MYO1B: variants seen among roughly 807,000 people sequenced by gnomAD.
MYO1B encodes myosin IB.
A neutral mutation model predicts 159.7 loss-of-function variants in MYO1B; 72 were observed. That is an observed-to-expected ratio of 0.45 (90% CI 0.37 to 0.55). The LOEUF is 0.55. MYO1B is among the 20% of genes least tolerant of loss of function. The pLI is 0.00. For missense variants in MYO1B, 1,062 were observed against 1,364.8 expected (o/e 0.78, Z 3.50); for synonymous variants, 468 against 473.8 (o/e 0.99, Z 0.16).
At chr2:191,408,504 A>G (rs1393939366) in intron 25 of MYO1B, among the ~76,000 whole-genome samples, 1 of 152,146 alleles carries the variant, frequency 6.6e-6, no homozygotes, top group Non-Finnish European at 1.5e-5. Flanking sequence ...AACTGCCATG[A>G]GCTGTGGCAG....
At chr2:191,279,099 T>C (rs1284991969) in intron 2 of MYO1B, among the ~76,000 whole-genome samples, 1 of 152,268 alleles carries the variant, frequency 6.6e-6, no homozygotes, top group Non-Finnish European at 1.5e-5. Context: ...CAGCTCTATG[T>C]AATTTTATTT....
Position 191,423,975 on chromosome 2 carries a change from C to G in MYO1B, c.*15C>G. On this transcript the variant is annotated 3_prime_UTR_variant, in exon 31 of 31. Transcript: ENST00000392318. ...CTGTCCCTTAACTGGCGCCTCCTCTCTACTTTCATGGACTTGTTCCTTTGT... is the reference window on the plus strand; with the variant it reads ...CTGTCCCTTAACTGGCGCCTCCTCTGTACTTTCATGGACTTGTTCCTTTGT... 1.9e-6 allele frequency: 3 copies of G among 1,611,478 alleles called. No individual in the cohort carries two copies. Among genetic ancestry groups the G allele is most frequent in the Non-Finnish European group, 2.5e-6 (3 of 1,178,994 alleles).
At chr2:191,401,452 A>G (rs1431310895) in intron 23 of MYO1B, 2 of 152,246 alleles carry the variant, frequency 1.3e-5, no homozygotes, top group African/African-American at 4.8e-5. Context: ...GTTTGTTTTC[A>G]GAAACAAAGG....
chr2:191,305,478 C>G (rs548998203), intron 3 of MYO1B, among the ~76,000 whole-genome samples: 3 of 152,342 alleles, frequency 2.0e-5, no homozygotes, highest in African/African-American at 7.2e-5. Context: ...GCCCCAGGTT[C>G]CAGTTCCAGC....
chr2:191,408,280 T>C (rs1697050493), intron 25 of MYO1B, 91 bp downstream of exon 25: 1 of 801,878 alleles, frequency 1.2e-6, no homozygotes, highest in Non-Finnish European at 2.1e-6. Flanking sequence ...TTTTCCTAAA[T>C]GACAAAAGTG....
chr2:191,404,093 T>G (rs1696766496), intron 24 of MYO1B, among the ~76,000 whole-genome samples: 1 of 152,212 alleles, frequency 6.6e-6, no homozygotes, highest in Non-Finnish European at 1.5e-5. Context: ...TTACTTGAAG[T>G]CCAAGAATAT....
At chr2:191,393,390 C>T (rs562289763) in intron 20 of MYO1B, among the ~76,000 whole-genome samples, 168 bp downstream of exon 20, 1 of 152,140 alleles carries the variant, frequency 6.6e-6, no homozygotes, top group Admixed American at 6.5e-5. Context: ...AACTAAGACA[C>T]AAAGCTGTTA....
At chr2:191,398,724 C>G (rs574211374) in intron 21 of MYO1B, among the ~76,000 whole-genome samples, 2 of 151,196 alleles carry the variant, frequency 1.3e-5, no homozygotes, top group Non-Finnish European at 2.9e-5. Flanking sequence ...GGGGAAGAGG[C>G]GCTCCTCGCT....
chr2:191,412,246 C>T (rs1697292841), intron 27 of MYO1B, among the ~76,000 whole-genome samples: 1 of 152,178 alleles, frequency 6.6e-6, no homozygotes. Context: ...ATGCTTGCTT[C>T]AGCAACTAAT....
intron 3 of MYO1B, among the ~76,000 whole-genome samples, chr2:191,308,591 A>G (rs1689794682): frequency 1.3e-5 from 2 of 152,082 alleles, no homozygotes; most frequent in African/African-American, 4.8e-5. Context: ...AACATGCTGC[A>G]ATGTTTCTCT....
Position 191,400,730 on chromosome 2 carries a change from C to A in MYO1B, c.2383-19C>A. ...CCTGCCTTAAACTTTTCTGTAACTC[C>A]TTTTCAAATGCATCACAGGCACGAA... On this transcript the variant is annotated intron_variant, in intron 22 of 30. Transcript: ENST00000392318. The A allele has an allele frequency of 6.2e-7, 1 of 1,612,788 alleles. No individual in the cohort carries two copies. Among genetic ancestry groups the A allele is most frequent in the South Asian group, 1.1e-5 (1 of 90,668 alleles).
intron 3 of MYO1B, among the ~76,000 whole-genome samples, chr2:191,301,787 T>C (rs1689349438): frequency 1.3e-5 from 2 of 152,158 alleles, no homozygotes; most frequent in South Asian, 4.1e-4. Context: ...CCTTCAGATA[T>C]TTTAGTTACC....
intron 10 of MYO1B, 53 bp downstream of exon 10, chr2:191,363,928 C>T (rs752177257): frequency 1.2e-6 from 2 of 1,602,436 alleles, no homozygotes; most frequent in Non-Finnish European, 1.7e-6. Flanking sequence ...CTTTGAACTT[C>T]TCCCCACTTT....
At chr2:191,356,705 A>AG (rs1372142220) in intron 7 of MYO1B, among the ~76,000 whole-genome samples, 3 of 152,248 alleles carry the variant, frequency 2.0e-5, no homozygotes, top group African/African-American at 7.2e-5. Flanking sequence ...AAATCAAGAT[A>AG]GGACCAGATA....
At chr2:191,354,485 A>G (rs1693143189) in intron 7 of MYO1B, among the ~76,000 whole-genome samples, 1 of 151,970 alleles carries the variant, frequency 6.6e-6, no homozygotes, top group Admixed American at 6.5e-5. Flanking sequence ...GTCAAACAAA[A>G]TTATTGGTAG....
chr2:191,351,612 C>T (rs1268227400), intron 7 of MYO1B, among the ~76,000 whole-genome samples: 3 of 152,158 alleles, frequency 2.0e-5, no homozygotes, highest in African/African-American at 2.4e-5. Flanking sequence ...TCTGGCTGGG[C>T]GCAATGGCTC....
chr2:191,275,663 A>G (rs1361118771), intron 1 of MYO1B, among the ~76,000 whole-genome samples: 1 of 152,200 alleles, frequency 6.6e-6, no homozygotes, highest in Non-Finnish European at 1.5e-5. Flanking sequence ...TGTCCTTTCC[A>G]CTCATTATCA....
intron 5 of MYO1B, among the ~76,000 whole-genome samples, chr2:191,344,949 C>T (rs901103564): frequency 5.3e-5 from 8 of 152,128 alleles, no homozygotes; most frequent in African/African-American, 1.4e-4. Context: ...CACACCCTCT[C>T]TCCTTGATCA....
At chr2:191,315,063 T>C (rs1690256258) in intron 3 of MYO1B, among the ~76,000 whole-genome samples, 1 of 152,170 alleles carries the variant, frequency 6.6e-6, no homozygotes, top group Non-Finnish European at 1.5e-5. Context: ...AAAAATTATC[T>C]GGGCAAATTT....
Sources: allele counts gnomAD v4.1 joint callset (sites outside exome capture counted in the v4.1 genomes callset), GRCh38; gene constraint gnomAD v4.1.1; transcripts MANE v1.5; gene names NCBI Gene and HGNC (gene_info 2026-07-23, HGNC 2026-07-21).